Variants in TRABD2B observed in about 807,000 individuals in gnomAD.
TRABD2B encodes the protein metalloprotease TIKI2.
Under a neutral mutation model 40.1 loss-of-function variants are expected in TRABD2B, and 14 were observed. That is an observed-to-expected ratio of 0.35 (90% CI 0.23 to 0.55). The LOEUF (loss-of-function observed/expected upper bound fraction) is 0.55, where lower values mean the gene tolerates loss of function less well. Among genes scored for constraint, TRABD2B ranks in the 20% least tolerant of loss-of-function variants. The probability of loss-of-function intolerance (pLI) is 0.90; values close to 1 mark genes in which losing one functional copy is unlikely to be tolerated. For missense variants in TRABD2B, 541 were observed against 648.6 expected, an observed-to-expected ratio of 0.83 and a Z score of 1.80; for synonymous variants, 263 against 277.0, an observed-to-expected ratio of 0.95 and a Z score of 0.50.
intron 2 of TRABD2B, among the ~76,000 whole-genome samples, chr1:47,907,043 A>C (rs1382091000): frequency 6.6e-6 from 1 of 152,152 alleles, no homozygotes; most frequent in African/African-American, 2.4e-5. Flanking sequence ...CCGTGCGAGC[A>C]CCAGCCGGCC....
intron 2 of TRABD2B, among the ~76,000 whole-genome samples, chr1:47,846,737 G>A (rs979535157): frequency 2.0e-5 from 3 of 152,148 alleles, no homozygotes; most frequent in African/African-American, 4.8e-5. Context: ...CCACTCTTGA[G>A]TTGGAACATG....
chr1:47,775,533 G>A, intron 5 of TRABD2B, 94 bp from the exon 6 acceptor site: 1 of 1,199,432 alleles, frequency 8.3e-7, no homozygotes, highest in Non-Finnish European at 1.0e-6. Context: ...AGTTTGTCAT[G>A]GCAGGAGAAA....
Position 47,931,848 on chromosome 1 carries a change from C to T in TRABD2B, c.666+62186G>A, listed in dbSNP as rs150982548. Among the ~76,000 whole-genome samples, 15 of 152,224 alleles carry T rather than the reference C, an allele frequency of 9.9e-5. No individual in the cohort carries two copies. The East Asian group carries it at 1.2e-3, about 12-fold the overall frequency. ...ACTAAGCCTAGGGTGGTTTGTCACA[C>T]GGCAATAGATAACCCCAACATCCAA... On this transcript the variant is annotated intron_variant, in intron 2 of 6. Coordinates refer to ENST00000606738, the MANE Select transcript of TRABD2B (RefSeq NM_001194986.2).
intron 2 of TRABD2B, among the ~76,000 whole-genome samples, chr1:47,895,589 C>A (rs1216750768): frequency 6.6e-6 from 1 of 152,230 alleles, no homozygotes; most frequent in Non-Finnish European, 1.5e-5. Context: ...CTGGAACCAA[C>A]CCTGTTCAGA....
At chr1:47,798,796 C>T (rs1433018956) in intron 3 of TRABD2B, among the ~76,000 whole-genome samples, 2 of 152,190 alleles carry the variant, frequency 1.3e-5, no homozygotes, top group Admixed American at 6.5e-5. Context: ...CCACAGCCTC[C>T]GTATCCTCAG....
chr1:47,910,754 T>A (rs1337300165), intron 2 of TRABD2B, among the ~76,000 whole-genome samples: 3 of 152,358 alleles, frequency 2.0e-5, no homozygotes, highest in Admixed American at 6.5e-5. Flanking sequence ...TATCCTCATA[T>A]GGCATAGATT....
At chr1:47,772,400 G>A (rs1032351737) in intron 6 of TRABD2B, among the ~76,000 whole-genome samples, 7 of 151,930 alleles carry the variant, frequency 4.6e-5, no homozygotes, top group African/African-American at 1.7e-4. Context: ...GAGGACAGGG[G>A]CAGCAGACCT....
chr1:47,880,591 G>A (rs1330280450), intron 2 of TRABD2B, among the ~76,000 whole-genome samples: 2 of 152,160 alleles, frequency 1.3e-5, no homozygotes, highest in African/African-American at 4.8e-5. Context: ...TAGACATCAA[G>A]GGGAACTGTC....
At position 47,794,569 on chromosome 1, in the gene TRABD2B, C is replaced by T. The variant is rs1169643751; in HGVS notation, c.988+17G>A. 6.6e-7 allele frequency: 1 copy of T among 1,508,982 alleles called. No individual in the cohort carries two copies. 93.5% of individuals were successfully genotyped at this position (1,508,982 alleles called of 1,614,324 possible). ...CCAGGATTCTGCAAACAATCCCTTC[C>T]CCACACTGGCCCAAACCTGCTCCGA... On this transcript the variant is annotated intron_variant, in intron 4 of 6. Transcript: ENST00000606738.
chr1:47,881,726 T>C (rs1387785764), intron 2 of TRABD2B, among the ~76,000 whole-genome samples: 1 of 152,222 alleles, frequency 6.6e-6, no homozygotes, highest in African/African-American at 2.4e-5. Flanking sequence ...GGCGGGCTTA[T>C]CTGAACCTAT....
intron 2 of TRABD2B, among the ~76,000 whole-genome samples, chr1:47,831,653 T>A (rs1402792788): frequency 1.3e-5 from 2 of 152,164 alleles, no homozygotes; most frequent in Non-Finnish European, 2.9e-5. Context: ...ACATTTCCAA[T>A]TCGAAAGTCG....
At chr1:47,918,673 C>T (rs1398777390) in intron 2 of TRABD2B, among the ~76,000 whole-genome samples, 1 of 145,110 alleles carries the variant, frequency 6.9e-6, no homozygotes, top group African/African-American at 2.5e-5. Flanking sequence ...GGAAGCCTGG[C>T]CATAAGCCAA....
intron 2 of TRABD2B, among the ~76,000 whole-genome samples, chr1:47,857,866 T>C (rs558665989): frequency 6.6e-6 from 1 of 151,896 alleles, no homozygotes; most frequent in East Asian, 1.9e-4. Flanking sequence ...CCAAGCATTT[T>C]GTATCTTAGT....
At chr1:47,894,823 A>G (rs1282974605) in intron 2 of TRABD2B, among the ~76,000 whole-genome samples, 1 of 152,150 alleles carries the variant, frequency 6.6e-6, no homozygotes, top group African/African-American at 2.4e-5. Flanking sequence ...ACCGTGACAC[A>G]TGCTCTGCAA....
chr1:47,977,704 A>G (rs1645778354), intron 2 of TRABD2B, among the ~76,000 whole-genome samples: 1 of 149,946 alleles, frequency 6.7e-6, no homozygotes. Context: ...AACACACAGG[A>G]ATAAGGAACC....
rs111379216 is a variant in TRABD2B at position 47,814,096 on chromosome 1, T to C, written c.667-12477A>G. ...AGCAATCCCCTGTGGGGACACACAT[T>C]TGCCACACAGAAGGGAAAGAAAAGG... On this transcript the variant is annotated intron_variant, in intron 2 of 6. Coordinates refer to ENST00000606738, the MANE Select transcript of TRABD2B (RefSeq NM_001194986.2). 7.2e-5 allele frequency among the ~76,000 whole-genome samples: 11 copies of C among 152,338 alleles called. 3 individuals carry two copies. The highest frequency in any genetic ancestry group is 2.6e-4 in the African/African-American group (11 of 41,596).
At chr1:47,866,712 G>A (rs1644062987) in intron 2 of TRABD2B, among the ~76,000 whole-genome samples, 1 of 152,192 alleles carries the variant, frequency 6.6e-6, no homozygotes. Flanking sequence ...TTCCTCCTAT[G>A]ATGTATAACT....
chr1:47,781,558 C>T (rs1033623136), intron 4 of TRABD2B, among the ~76,000 whole-genome samples: 1 of 152,212 alleles, frequency 6.6e-6, no homozygotes, highest in Non-Finnish European at 1.5e-5. Context: ...CATTCCACAC[C>T]TTTATTGTTT....
At chr1:47,815,804 GAT>G (rs1645022961) in intron 2 of TRABD2B, among the ~76,000 whole-genome samples, 1 of 37,398 alleles carries the variant, frequency 2.7e-5, no homozygotes, top group African/African-American at 6.1e-5. Context: ...GACAGAGATA[GAT>G]AGATAGATAG....
Sources: allele counts gnomAD v4.1 joint callset (sites outside exome capture counted in the v4.1 genomes callset), GRCh38; gene constraint gnomAD v4.1.1; transcripts MANE v1.5; gene names NCBI Gene and HGNC (gene_info 2026-07-23, HGNC 2026-07-21).